Variants in FGF14 observed in about 807,000 individuals in gnomAD.
FGF14 encodes the protein fibroblast growth factor homologous factor 4.
Under a neutral mutation model 25.5 loss-of-function variants are expected in FGF14, and 5 were observed. The ratio of observed to expected loss-of-function variants is 0.20; its 90% CI spans 0.10 to 0.41. The LOEUF is 0.41. Ranked by LOEUF, FGF14 falls within the 10% of genes least tolerant of loss-of-function variation. The probability of loss-of-function intolerance (pLI) is 1.00; values close to 1 mark genes in which losing one functional copy is unlikely to be tolerated. For missense variants in FGF14, 222 were observed against 320.1 expected (o/e 0.69, Z 2.34); for synonymous variants, 138 against 118.3 (o/e 1.17, Z -1.08).
intron 1 of FGF14, among the ~76,000 whole-genome samples, chr13:102,049,857 G>A (rs1161713928): frequency 6.6e-6 from 1 of 152,124 alleles, no homozygotes; most frequent in Non-Finnish European, 1.5e-5. Context: ...CAAACAACCA[G>A]AATCTAGGGG....
chr13:102,374,673 T>C (rs2073703867), intron 1 of FGF14, among the ~76,000 whole-genome samples: 2 of 99,072 alleles, frequency 2.0e-5, no homozygotes, highest in Admixed American at 1.0e-4. Flanking sequence ...TATATATATA[T>C]ATATATATAT....
intron 1 of FGF14, among the ~76,000 whole-genome samples, chr13:101,976,644 C>G (rs1177440914): frequency 6.6e-6 from 1 of 152,166 alleles, no homozygotes; most frequent in African/African-American, 2.4e-5. Context: ...CTTCTTAAAT[C>G]TTAGAATCAG....
At chr13:102,050,875 C>A (rs2042188007) in intron 1 of FGF14, among the ~76,000 whole-genome samples, 1 of 152,170 alleles carries the variant, frequency 6.6e-6, no homozygotes, top group African/African-American at 2.4e-5. Context: ...AAAGGTGGAC[C>A]TATCAATATC....
At chr13:101,846,967 C>T (rs949913901) in intron 3 of FGF14, among the ~76,000 whole-genome samples, 1 of 151,998 alleles carries the variant, frequency 6.6e-6, no homozygotes, top group African/African-American at 2.4e-5. Flanking sequence ...TCTCTTCTGC[C>T]TTTTCAAGCG....
At chr13:101,782,568 C>G (rs1012271854) in intron 3 of FGF14, among the ~76,000 whole-genome samples, 2 of 152,122 alleles carry the variant, frequency 1.3e-5, no homozygotes, top group Non-Finnish European at 2.9e-5. Flanking sequence ...ACCTCAGTGT[C>G]CGTTCTTCCC....
chr13:101,727,980 AAATGTTGTAT>A (rs1594048219), intron 3 of FGF14, among the ~76,000 whole-genome samples: 1 of 152,160 alleles, frequency 6.6e-6, no homozygotes, highest in East Asian at 1.9e-4. Flanking sequence ...TTTCTTCTAA[AAATGTTGTAT>A]ACCTGTTCTG....
At chr13:101,806,693 G>C (rs1405657682) in intron 3 of FGF14, among the ~76,000 whole-genome samples, 1 of 152,032 alleles carries the variant, frequency 6.6e-6, no homozygotes, top group Non-Finnish European at 1.5e-5. Context: ...ATAGTATCCT[G>C]AAAATGTTAT....
chr13:101,902,246 T>G (rs1166142234), intron 1 of FGF14, among the ~76,000 whole-genome samples: 2 of 151,870 alleles, frequency 1.3e-5, no homozygotes, highest in African/African-American at 2.4e-5. Flanking sequence ...GGTTTATCGC[T>G]CCCTTTTTTT....
chr13:101,786,037 T>C (rs2039803868), intron 3 of FGF14, among the ~76,000 whole-genome samples: 1 of 152,158 alleles, frequency 6.6e-6, no homozygotes. Context: ...GCTTGGCTGA[T>C]AGAACCAGCC....
chr13:101,983,862 C>T (rs2038408553), intron 1 of FGF14, among the ~76,000 whole-genome samples: 1 of 152,176 alleles, frequency 6.6e-6, no homozygotes, highest in Non-Finnish European at 1.5e-5. Flanking sequence ...CCATATAGAA[C>T]TGCCTTACTA....
intron 3 of FGF14, among the ~76,000 whole-genome samples, chr13:101,740,794 G>A (rs559226600): frequency 6.6e-6 from 1 of 152,130 alleles, no homozygotes; most frequent in Non-Finnish European, 1.5e-5. Context: ...TTAGTAACCT[G>A]TTTTTTATTT....
At chr13:102,250,490 CA>C (rs1176095215) in intron 1 of FGF14, among the ~76,000 whole-genome samples, 4 of 152,190 alleles carry the variant, frequency 2.6e-5, no homozygotes, top group African/African-American at 4.8e-5. Flanking sequence ...AGACCACCCC[CA>C]CCAATGTGGA....
chr13:102,020,948 C>T (rs1171281818), intron 1 of FGF14, among the ~76,000 whole-genome samples: 14 of 151,644 alleles, frequency 9.2e-5, no homozygotes. Context: ...GAAGAATGGC[C>T]TCGCAGGGAA....
intron 1 of FGF14, among the ~76,000 whole-genome samples, chr13:102,133,126 C>G (rs1263575083): frequency 6.6e-6 from 1 of 152,166 alleles, no homozygotes; most frequent in African/African-American, 2.4e-5. Context: ...TCAGCGATTT[C>G]CCACCAGCAC....
At chr13:101,954,321 G>T (rs768972026) in intron 1 of FGF14, among the ~76,000 whole-genome samples, 2 of 151,890 alleles carry the variant, frequency 1.3e-5, no homozygotes, top group Non-Finnish European at 2.9e-5. Flanking sequence ...GGCGGGGTGG[G>T]GGGGTGGTAA....
chr13:102,229,744 G>A (rs536133001), intron 1 of FGF14, among the ~76,000 whole-genome samples: 1 of 152,340 alleles, frequency 6.6e-6, no homozygotes, highest in East Asian at 1.9e-4. Context: ...ACAGCTAAGT[G>A]TGTACTTACC....
chr13:102,331,606 G>A (rs1352829972), intron 1 of FGF14, among the ~76,000 whole-genome samples: 1 of 152,096 alleles, frequency 6.6e-6, no homozygotes, highest in Non-Finnish European at 1.5e-5. Context: ...TCTCCAAGGG[G>A]ATTGATTTAT....
At chr13:102,201,124 A>C in intron 1 of FGF14, among the ~76,000 whole-genome samples, 1 of 150,962 alleles carries the variant, frequency 6.6e-6, no homozygotes, top group Non-Finnish European at 1.5e-5. Context: ...AAAAAAAAAA[A>C]AAAAAAAAAA....
intron 1 of FGF14, among the ~76,000 whole-genome samples, chr13:102,066,638 GTTTCCAAAGTTTTAACAAGGAAGTATTTC>G (rs2042915081): frequency 6.6e-6 from 1 of 152,106 alleles, no homozygotes; most frequent in Admixed American, 6.5e-5. Context: ...TTCAAACAGT[GTTTCCAAAGTTTTAACAAGGAAGTATTTC>G]TCTTCACATA....
Sources: allele counts gnomAD v4.1 joint callset (sites outside exome capture counted in the v4.1 genomes callset), GRCh38; gene constraint gnomAD v4.1.1; transcripts MANE v1.5; gene names NCBI Gene and HGNC (gene_info 2026-07-23, HGNC 2026-07-21).